The following LAMA2 variants were observed in gnomAD, a reference collection of about 807,000 sequenced individuals.
LAMA2 encodes the protein laminin subunit alpha-2.
LAMA2 carries 269 observed loss-of-function variants against 364.8 expected under a neutral mutation model. That is an observed-to-expected ratio of 0.74 (90% confidence interval 0.67 to 0.82). LAMA2 has a LOEUF of 0.82. LAMA2 is among the 40% of genes least tolerant of loss of function. The probability of loss-of-function intolerance (pLI) is 0.00; values close to 1 mark genes in which losing one functional copy is unlikely to be tolerated. For synonymous variants in LAMA2, 1,379 were observed against 1,370.6 expected, an observed-to-expected ratio of 1.01 and a Z score of -0.14; for missense variants, 3,807 against 3,873.2, an observed-to-expected ratio of 0.98 and a Z score of 0.45.
At chr6:129,395,614 C>T (rs1779571118) in intron 37 of LAMA2, among the ~76,000 whole-genome samples, 1 of 152,192 alleles carries the variant, frequency 6.6e-6, no homozygotes, top group African/African-American at 2.4e-5. Flanking sequence ...AAAACACCAT[C>T]TCTGATTACT....
chr6:129,135,978 G>C (rs1474838957), intron 4 of LAMA2, among the ~76,000 whole-genome samples: 4 of 151,756 alleles, frequency 2.6e-5, no homozygotes, highest in Non-Finnish European at 5.9e-5. Context: ...TTATTTGAAA[G>C]CATTTAAAAA....
At chr6:129,099,645 A>G (rs1158139087) in intron 4 of LAMA2, among the ~76,000 whole-genome samples, 1 of 152,160 alleles carries the variant, frequency 6.6e-6, no homozygotes, top group Non-Finnish European at 1.5e-5. Flanking sequence ...TGCCCACCCC[A>G]GCCAATCTAG....
At chr6:128,989,372 C>T (rs1030537858) in intron 1 of LAMA2, among the ~76,000 whole-genome samples, 1 of 152,168 alleles carries the variant, frequency 6.6e-6, no homozygotes, top group African/African-American at 2.4e-5. Flanking sequence ...CTCACATATG[C>T]TAATGTATAA....
chr6:129,155,686 T>A (rs559745124), intron 8 of LAMA2, among the ~76,000 whole-genome samples: 73 of 152,274 alleles, frequency 4.8e-4, no homozygotes, highest in African/African-American at 1.6e-3. Context: ...TCATATTACA[T>A]GGATCAATTT....
intron 1 of LAMA2, among the ~76,000 whole-genome samples, chr6:128,915,202 T>A (rs1056845148): frequency 5.9e-5 from 9 of 152,284 alleles, no homozygotes; most frequent in Admixed American, 5.2e-4. Context: ...GAACATATAT[T>A]TGCCTCCGTC....
intron 12 of LAMA2, among the ~76,000 whole-genome samples, chr6:129,236,285 A>G (rs1333167201): frequency 5.3e-5 from 8 of 152,152 alleles, no homozygotes; most frequent in Non-Finnish European, 5.9e-5. Flanking sequence ...CTCAACTGAG[A>G]CATAATCTCA....
At chr6:128,998,043 C>A (rs1784106558) in intron 1 of LAMA2, among the ~76,000 whole-genome samples, 1 of 151,888 alleles carries the variant, frequency 6.6e-6, no homozygotes, top group Non-Finnish European at 1.5e-5. Flanking sequence ...CAGAGAGCTG[C>A]ACAGATGGGG....
chr6:129,496,462 G>A (rs897246233), intron 58 of LAMA2, among the ~76,000 whole-genome samples: 19 of 152,204 alleles, frequency 1.2e-4, no homozygotes, highest in South Asian at 4.1e-4. Context: ...CACTGCGCCC[G>A]GCCTATTTCC....
At chr6:129,024,108 C>T (rs1394005619) in intron 1 of LAMA2, among the ~76,000 whole-genome samples, 2 of 152,126 alleles carry the variant, frequency 1.3e-5, no homozygotes, top group Non-Finnish European at 2.9e-5. Flanking sequence ...AGTCCGGTCT[C>T]TTCCTTGCAT....
At chr6:129,487,496 T>C (rs1784651145) in intron 56 of LAMA2, among the ~76,000 whole-genome samples, 1 of 152,128 alleles carries the variant, frequency 6.6e-6, no homozygotes, top group South Asian at 2.1e-4. Context: ...AGAAAAGAAC[T>C]GGAAATCCAA....
chr6:129,221,190 G>A lies in LAMA2; in HGVS notation c.1782+28337G>A, dbSNP rs539706802. Among the ~76,000 whole-genome samples the A allele has an allele frequency of 4.0e-5, 6 of 149,282 alleles. No individual in the cohort carries two copies. The East Asian group carries it at 9.8e-4, about 24-fold the overall frequency. On this transcript the variant is annotated intron_variant, in intron 12 of 64. Coordinates refer to ENST00000421865, the MANE Select transcript of LAMA2 (RefSeq NM_000426.4). ...AAAAAAAATAAAAATTAAAAAAAAA[G>A]CCTGAACCTAGAAACGGACCTACAA...
At chr6:129,415,599 A>C (rs1471552818) in intron 40 of LAMA2, among the ~76,000 whole-genome samples, 2 of 152,132 alleles carry the variant, frequency 1.3e-5, no homozygotes, top group South Asian at 2.1e-4. Flanking sequence ...TAATCCCAGC[A>C]CTTTGGGAGG....
At chr6:129,187,212 A>G (rs1032757215) in intron 10 of LAMA2, among the ~76,000 whole-genome samples, 3 of 151,832 alleles carry the variant, frequency 2.0e-5, no homozygotes, top group African/African-American at 7.2e-5. Context: ...ATGAGTCACA[A>G]AGAAATTTTG....
intron 1 of LAMA2, among the ~76,000 whole-genome samples, chr6:128,936,498 C>G (rs868552474): frequency 6.6e-6 from 1 of 152,238 alleles, no homozygotes; most frequent in Middle Eastern, 3.4e-3. Context: ...ATGGGGGATA[C>G]ATTCCAGGAC....
intron 58 of LAMA2, among the ~76,000 whole-genome samples, chr6:129,493,391 A>G (rs1784981946): frequency 6.6e-6 from 1 of 152,212 alleles, no homozygotes; most frequent in East Asian, 1.9e-4. Context: ...TGTCCAATCT[A>G]TTTCTCAGTT....
In LAMA2 at chr6:129,270,716, A is replaced by T; in HGVS notation, c.2415A>T (p.Gln805His). ...EPTKGTSEDC[Q>H]PCACPLNIPS... is the part of the protein sequence containing the mutation. ...CTAAAGGAACCTCTGAAGACTGTCA[A>T]CCCTGTGCCTGTCCACTCAATATCC... Residue 805 changes from glutamine (Q) to histidine (H), a missense_variant, in exon 17 of 65, where the codon CAA (glutamine) becomes CAT (histidine). By Grantham distance (24) the Gln-to-His change is conservative. Around this residue, in one of 3 missense-constraint regions of LAMA2, gnomAD observed 3,333 missense variants for 3,345.7 expected, o/e 1.00. Transcript: ENST00000421865. 1 of 1,613,242 alleles carries T rather than the reference A, an allele frequency of 6.2e-7. No homozygotes were observed. Among genetic ancestry groups the T allele is most frequent in the Non-Finnish European group, 8.5e-7 (1 of 1,179,490 alleles).
At position 129,200,331 on chromosome 6, in the gene LAMA2, C is replaced by CATGTGTGTATAT. The variant is rs1329039729; in HGVS notation, c.1782+7480_1782+7481insGTGTGTATATAT. Among the ~76,000 whole-genome samples the CATGTGTGTATAT allele has an allele frequency of 9.2e-5, 13 of 141,380 alleles. 1 individual carries two copies. Among genetic ancestry groups the CATGTGTGTATAT allele is most frequent in the African/African-American group, 2.6e-4 (10 of 38,338 alleles). The allele number at this position is 141,380 out of a possible 152,430, so 92.8% of individuals were successfully genotyped here. On this transcript the variant is annotated intron_variant, in intron 12 of 64. Coordinates refer to ENST00000421865, the MANE Select transcript of LAMA2 (RefSeq NM_000426.4). ...GTATATATATACGTGTACACATATA[C>CATGTGTGTATAT]ATATACACGTATATGTGTACACATA...
At chr6:129,341,114 G>A (rs914815060) in intron 29 of LAMA2, among the ~76,000 whole-genome samples, 10 of 152,180 alleles carry the variant, frequency 6.6e-5, no homozygotes, top group Admixed American at 2.6e-4. Context: ...TGGAAATGAC[G>A]TCAGCTATTG....
chr6:129,217,531 T>C (rs1783505018), intron 12 of LAMA2, among the ~76,000 whole-genome samples: 1 of 152,200 alleles, frequency 6.6e-6, no homozygotes, highest in Admixed American at 6.5e-5. Flanking sequence ...AAAGGATATT[T>C]CTCCTATAAA....
Sources: allele counts gnomAD v4.1 joint callset (sites outside exome capture counted in the v4.1 genomes callset), GRCh38; gene constraint gnomAD v4.1.1; regional missense constraint gnomAD v4.1.1; transcripts MANE v1.5; gene names NCBI Gene and HGNC (gene_info 2026-07-23, HGNC 2026-07-21).